Variants in PDLIM5 observed in about 807,000 individuals in gnomAD.
PDLIM5 encodes the protein PDZ and LIM domain protein 5.
Under a neutral mutation model 64.2 loss-of-function variants are expected in PDLIM5, and 34 were observed. The ratio of observed to expected loss-of-function variants is 0.53; its 90% CI spans 0.40 to 0.71. The LOEUF is 0.71. Among genes scored for constraint, PDLIM5 ranks in the 30% least tolerant of loss-of-function variants. The probability of loss-of-function intolerance (pLI) is 0.00; values close to 1 mark genes in which losing one functional copy is unlikely to be tolerated. For synonymous variants in PDLIM5, 253 were observed against 269.1 expected (o/e 0.94, Z 0.59); for missense variants, 683 against 733.6 (o/e 0.93, Z 0.80).
At chr4:94,455,680 T>C in intron 2 of PDLIM5, 2 of 1,043,896 alleles carry the variant, frequency 1.9e-6, no homozygotes, top group Non-Finnish European at 2.8e-6. Flanking sequence ...GGGAATTCTC[T>C]GAATCTTCGT....
intron 3 of PDLIM5, among the ~76,000 whole-genome samples, chr4:94,557,853 CAG>C (rs1733487577): frequency 6.6e-6 from 1 of 152,148 alleles, no homozygotes; most frequent in South Asian, 2.1e-4. Flanking sequence ...CATCTGCAAA[CAG>C]GGACAATTTG....
chr4:94,662,241 G>T (rs71601226), intron 11 of PDLIM5, among the ~76,000 whole-genome samples, 181 bp from the exon 12 acceptor site: 53,847 of 151,742 alleles, frequency 0.35, 10,565 homozygotes, highest in South Asian at 0.59. Flanking sequence ...AGGGAATCCT[G>T]AAACATGCTA....
chr4:94,638,431 G>T (rs970527032), intron 8 of PDLIM5, among the ~76,000 whole-genome samples: 9 of 152,208 alleles, frequency 5.9e-5, no homozygotes, highest in African/African-American at 2.2e-4. Flanking sequence ...CGAGTGCCAG[G>T]CAGTGCACTG....
chr4:94,480,423 T>C (rs930449220), intron 2 of PDLIM5, among the ~76,000 whole-genome samples: 4 of 152,162 alleles, frequency 2.6e-5, no homozygotes, highest in Non-Finnish European at 5.9e-5. Context: ...TCAAACAGGA[T>C]CTATGGGTAT....
chr4:94,644,190 C>G lies in PDLIM5; in HGVS notation c.1283+3740C>G, dbSNP rs146005192. 4.9e-3 allele frequency among the ~76,000 whole-genome samples: 745 copies of G among 152,268 alleles called. 7 individuals carry two copies. The highest frequency in any genetic ancestry group is 0.017 in the African/African-American group (705 of 41,568). ...AAGAATTTTGCCTGAATTTTCATAA[C>G]AACCCTGTGAGACAGTTGCTATGAT... On this transcript the variant is annotated intron_variant, in intron 9 of 12. Coordinates refer to ENST00000317968, the MANE Select transcript of PDLIM5 (RefSeq NM_006457.5).
At chr4:94,577,190 C>T in intron 5 of PDLIM5, 1 of 457,140 alleles carries the variant, frequency 2.2e-6, no homozygotes, top group South Asian at 1.5e-5. Context: ...GTCTACAGGC[C>T]TGATGGTTTT....
chr4:94,455,140 CTT>C (rs1723214443), intron 1 of PDLIM5, 105 bp from the exon 2 acceptor site: 2 of 551,672 alleles, frequency 3.6e-6, no homozygotes. Context: ...TTAATTAAGA[CTT>C]ATCTTCTATA....
At chr4:94,459,689 C>A (rs998031096) in intron 2 of PDLIM5, among the ~76,000 whole-genome samples, 1 of 152,184 alleles carries the variant, frequency 6.6e-6, no homozygotes, top group Non-Finnish European at 1.5e-5. Flanking sequence ...AGTCAATATT[C>A]TATGAAATGA....
In PDLIM5 at chr4:94,656,211, G is replaced by A. The variant is rs145006066; in HGVS notation, c.1465-1216G>A. Among the ~76,000 whole-genome samples, 131 of 152,142 alleles carry A rather than the reference G, an allele frequency of 8.6e-4. No homozygotes were observed. In the East Asian group the frequency reaches 0.022, roughly 26 times the overall value. On this transcript the variant is annotated intron_variant, in intron 10 of 12. Coordinates refer to ENST00000317968, the MANE Select transcript of PDLIM5 (RefSeq NM_006457.5). ...TTCTAGTTTGCTCTTTATAAGTAAT[G>A]TGTTTACAAAATTGTAATCATGCTT...
intron 7 of PDLIM5, among the ~76,000 whole-genome samples, chr4:94,590,405 ACT>A (rs1193680127): frequency 6.6e-6 from 1 of 152,198 alleles, no homozygotes; most frequent in African/African-American, 2.4e-5. Context: ...GTAAATATTT[ACT>A]CATTGCCAGC....
chr4:94,597,058 A>G (rs1350176014), intron 7 of PDLIM5, among the ~76,000 whole-genome samples: 1 of 152,180 alleles, frequency 6.6e-6, no homozygotes, highest in African/African-American at 2.4e-5. Flanking sequence ...TGTTAAAACT[A>G]AGGTGACACC....
intron 2 of PDLIM5, among the ~76,000 whole-genome samples, chr4:94,505,316 T>C (rs1408233770): frequency 6.6e-6 from 1 of 152,098 alleles, no homozygotes; most frequent in African/African-American, 2.4e-5. Flanking sequence ...TGGAGTGCAG[T>C]GGCGTGATCT....
intron 3 of PDLIM5, among the ~76,000 whole-genome samples, chr4:94,525,494 C>A (rs1730274819): frequency 6.6e-6 from 1 of 152,032 alleles, no homozygotes; most frequent in African/African-American, 2.4e-5. Flanking sequence ...GGCTATGGAA[C>A]CTTTTTCTTG....
intron 2 of PDLIM5, among the ~76,000 whole-genome samples, chr4:94,465,676 G>A (rs535481676): frequency 1.3e-5 from 2 of 152,238 alleles, no homozygotes; most frequent in East Asian, 3.9e-4. Flanking sequence ...TGGGATTACA[G>A]GCATGAGCCA....
At position 94,640,362 on chromosome 4, in the gene PDLIM5, A is replaced by G; in HGVS notation, c.1195A>G (p.Ser399Gly). 1 of 1,613,446 alleles carries G rather than the reference A, an allele frequency of 6.2e-7. No individual in the cohort carries two copies. The highest frequency in any genetic ancestry group is 1.1e-5 in the South Asian group (1 of 91,048). The part of the protein sequence containing the change: ...ANSALGQTQP[S>G]DQDTLVQRAE... ...CTCAGCTTTGGGACAAACCCAGCCAAGTGACCAGGACACTTTAGTGCAAAG... is the reference window on the plus strand; with the variant it reads ...CTCAGCTTTGGGACAAACCCAGCCAGGTGACCAGGACACTTTAGTGCAAAG... Residue 399 changes from serine (S) to glycine (G), a missense_variant, in exon 9 of 13, where the codon AGT (serine) becomes GGT (glycine). Physicochemically the swap from Ser to Gly is moderately conservative, Grantham distance 56. Transcript: ENST00000317968.
intron 2 of PDLIM5, among the ~76,000 whole-genome samples, chr4:94,462,975 AATG>A (rs1724035301): frequency 6.6e-6 from 1 of 152,200 alleles, no homozygotes; most frequent in Admixed American, 6.5e-5. Flanking sequence ...CTCTTCTTTA[AATG>A]ATACCATTAA....
chr4:94,513,833 C>T (rs2510791), intron 2 of PDLIM5, among the ~76,000 whole-genome samples: 30,886 of 152,024 alleles, frequency 0.2, 3,556 homozygotes, highest in East Asian at 0.26. Context: ...CAGTTTTTCC[C>T]CATTCAGTAT....
intron 3 of PDLIM5, among the ~76,000 whole-genome samples, chr4:94,561,016 C>A (rs1179358161): frequency 6.6e-6 from 1 of 152,136 alleles, no homozygotes; most frequent in Non-Finnish European, 1.5e-5. Flanking sequence ...CTTGAGCCAC[C>A]GCGCCCAGCC....
intron 11 of PDLIM5, among the ~76,000 whole-genome samples, chr4:94,660,564 A>T (rs1175536602): frequency 6.6e-6 from 1 of 152,158 alleles, no homozygotes; most frequent in Non-Finnish European, 1.5e-5. Flanking sequence ...AATTCAATAA[A>T]TCATGACATC....
Sources: gnomAD v4.1 joint callset for allele counts (sites outside exome capture counted in the v4.1 genomes callset) on GRCh38, gnomAD v4.1.1 for gene constraint, MANE v1.5 for transcripts, NCBI Gene and HGNC (gene_info 2026-07-23, HGNC 2026-07-21) for gene names.